The following SPTLC2 variants were observed in gnomAD, a reference collection of about 807,000 sequenced individuals.
The protein encoded by SPTLC2 is serine palmitoyltransferase long chain base subunit 2.
SPTLC2 carries 21 observed loss-of-function variants against 62.0 expected under a neutral mutation model. The ratio of observed to expected loss-of-function variants is 0.34; its 90% CI spans 0.24 to 0.49. The LOEUF is 0.49. Ranked by LOEUF, SPTLC2 falls within the 20% of genes least tolerant of loss-of-function variation. The pLI is 0.99. For missense variants in SPTLC2, 511 were observed against 713.0 expected (o/e 0.72, Z 3.23); for synonymous variants, 261 against 261.8 (o/e 1.00, Z 0.03).
In SPTLC2 at chr14:77,555,453, C is replaced by G; in HGVS notation, c.1023G>C (p.Leu341Phe). 6.2e-7 allele frequency: 1 copy of G among 1,614,174 alleles called. No homozygotes were observed. The highest frequency in any genetic ancestry group is 8.5e-7 in the Non-Finnish European group (1 of 1,180,034). Residue 341 changes from leucine (L) to phenylalanine (F), a missense_variant, in exon 8 of 12, where the codon TTG becomes TTC. Leu to Phe is a conservative substitution (Grantham distance 22, BLOSUM62 0). Transcript: ENST00000216484. ...CAATGCTGTGAGCCTCATCCAGATACAAGTATGCCTTGTATTTCTTCTTGA... is the reference window on the plus strand; with the variant it reads ...CAATGCTGTGAGCCTCATCCAGATAGAAGTATGCCTTGTATTTCTTCTTGA... ...IALKKKYKAY[L>F]YLDEAHSIGA...
At chr14:77,542,061 C>T (rs115373425) in intron 9 of SPTLC2, among the ~76,000 whole-genome samples, 3,274 of 103,266 alleles carry the variant, frequency 0.032, 108 homozygotes, top group African/African-American at 0.13. Context: ...ACTCTGTGTC[C>T]GGAAAAAAAA....
At chr14:77,590,588 T>A (rs2079810326) in intron 2 of SPTLC2, among the ~76,000 whole-genome samples, 1 of 152,128 alleles carries the variant, frequency 6.6e-6, no homozygotes, top group Non-Finnish European at 1.5e-5. Context: ...TGCACATGCC[T>A]GTAGTCCCAG....
At chr14:77,576,719 T>A (rs2079717793) in intron 4 of SPTLC2, 48 bp downstream of exon 4, 4 of 1,613,760 alleles carry the variant, frequency 2.5e-6, no homozygotes, top group Admixed American at 1.7e-5. Flanking sequence ...TGCCCCTGAC[T>A]AAAACAATGT....
intron 2 of SPTLC2, 66 bp from the exon 3 acceptor site, chr14:77,579,175 A>G (rs2079733950): frequency 6.5e-7 from 1 of 1,533,378 alleles, no homozygotes; most frequent in African/African-American, 1.4e-5. Flanking sequence ...TTTTTAACAG[A>G]TGACATGATC....
chr14:77,606,147 T>C (rs1057339931), intron 1 of SPTLC2, among the ~76,000 whole-genome samples: 7 of 152,110 alleles, frequency 4.6e-5, no homozygotes, highest in Admixed American at 3.9e-4. Context: ...CTGACCAACA[T>C]GGTGAAACCC....
chr14:77,603,582 T>C (rs76641857), intron 1 of SPTLC2, among the ~76,000 whole-genome samples: 5,261 of 152,284 alleles, frequency 0.035, 295 homozygotes, highest in African/African-American at 0.12. Context: ...TAGAAGTCCA[T>C]AGTTTTTCGT....
At chr14:77,526,484 G>A (rs185355497) in intron 9 of SPTLC2, among the ~76,000 whole-genome samples, 3 of 152,218 alleles carry the variant, frequency 2.0e-5, no homozygotes, top group African/African-American at 7.2e-5. Flanking sequence ...AAGCATAAAA[G>A]CAATTTGGAG....
chr14:77,614,868 G>C (rs2140070140), intron 1 of SPTLC2, among the ~76,000 whole-genome samples: 1 of 150,532 alleles, frequency 6.6e-6, no homozygotes, highest in African/African-American at 2.4e-5. Flanking sequence ...CTACTCGGGA[G>C]GCTGGGGCAG....
At chr14:77,555,110 A>T (rs1172970711) in intron 8 of SPTLC2, among the ~76,000 whole-genome samples, 190 bp downstream of exon 8, 1 of 152,200 alleles carries the variant, frequency 6.6e-6, no homozygotes, top group Non-Finnish European at 1.5e-5. Context: ...ATAAGAAAAC[A>T]ACAAACAATG....
chr14:77,520,094 G>C (rs2079378595), intron 10 of SPTLC2, among the ~76,000 whole-genome samples: 1 of 151,900 alleles, frequency 6.6e-6, no homozygotes, highest in Admixed American at 6.6e-5. Flanking sequence ...CCTAATTAAA[G>C]TGTACACAGT....
intron 5 of SPTLC2, among the ~76,000 whole-genome samples, chr14:77,563,814 A>C (rs1300426828): frequency 6.6e-6 from 1 of 152,248 alleles, no homozygotes. Context: ...TCAAGGGTCA[A>C]CTATATATAT....
At chr14:77,587,759 A>AAATAATAAT (rs59005485) in intron 2 of SPTLC2, among the ~76,000 whole-genome samples, 14,285 of 144,968 alleles carry the variant, frequency 0.099, 770 homozygotes, top group Non-Finnish European at 0.11. Context: ...CTCTGTCTCA[A>AAATAATAAT]AATAATAATA....
intron 11 of SPTLC2, among the ~76,000 whole-genome samples, chr14:77,515,979 G>T (rs1594966450): frequency 8.8e-6 from 1 of 113,588 alleles, no homozygotes; most frequent in Non-Finnish European, 2.0e-5. Flanking sequence ...ATTCATTTAT[G>T]AGCTCTAGCT....
At chr14:77,551,914 C>T (rs2079557584) in intron 9 of SPTLC2, among the ~76,000 whole-genome samples, 182 bp downstream of exon 9, 1 of 152,096 alleles carries the variant, frequency 6.6e-6, no homozygotes, top group Non-Finnish European at 1.5e-5. Flanking sequence ...AGAAAGTGAG[C>T]CAGGGTCGTT....
rs901839463 is a variant in SPTLC2 at position 77,524,332 on chromosome 14, T to C, written c.1304-2751A>G. ...GACGATGAAAATATTCTAACCTTGA[T>C]TGTGGCATGGGATTACAGGAGTGAG... On this transcript the variant is annotated intron_variant, in intron 9 of 11. Coordinates refer to ENST00000216484, the MANE Select transcript of SPTLC2 (RefSeq NM_004863.4). Among the ~76,000 whole-genome samples the C allele has an allele frequency of 2.0e-5, 3 of 152,016 alleles. No individual in the cohort carries two copies. In the East Asian group the frequency reaches 5.8e-4, roughly 29 times the overall value.
rs1424425588 is a variant in SPTLC2, at chr14:77,616,450, G to A, written c.130C>T (p.Gln44Ter). ...AAAAAAAAAG[Q>*]IHHVTQNGGL... is the part of the protein sequence containing the mutation. ...CCCGCCGCGCGGGCCCCTCGTACCT[G>A]GCCGGCGGCGGCTGCGGCTGCGGCT... The change falls in exon 1 of 12, where the codon CAG becomes TAG. Residue 44 changes from glutamine (Q) to a stop codon, truncating the protein, a stop_gained and splice_region_variant. Transcript: ENST00000216484. LOFTEE classifies it high-confidence loss of function. 2 of 1,483,514 alleles carry A rather than the reference G, an allele frequency of 1.3e-6. No individual in the cohort carries two copies. Among genetic ancestry groups the A allele is most frequent in the Non-Finnish European group, 1.8e-6 (2 of 1,122,270 alleles). 91.9% of individuals were successfully genotyped at this position (1,483,514 alleles called of 1,614,324 possible). A position where few individuals can be genotyped will look rare whatever the true frequency, so the allele number is the denominator to read the frequency against.
chr14:77,552,984 A>C (rs142525828), intron 8 of SPTLC2, among the ~76,000 whole-genome samples: 1,670 of 152,206 alleles, frequency 0.011, 37 homozygotes, highest in African/African-American at 0.038. Flanking sequence ...TCTAACATCA[A>C]CTTTAAGAGC....
rs1803130541 is a variant in SPTLC2 at position 77,506,228 on chromosome 14, C to G, written c.*6056G>C. The G allele has an allele frequency of 6.6e-6, 1 of 152,202 alleles. No individual in the cohort carries two copies. Among genetic ancestry groups the G allele is most frequent in the South Asian group, 2.1e-4 (1 of 4,830 alleles). 9.4% of individuals were successfully genotyped at this position (152,202 alleles called of 1,614,324 possible). A position where few individuals can be genotyped will look rare whatever the true frequency, so the allele number is the denominator to read the frequency against. The stretch of plus-strand genomic sequence containing the variant: ...GGTAAGAGAGAGTGACATTTTAACA[C>G]ATTACTAAAATGTTTAAGCTTTTAT... On this transcript the variant is annotated 3_prime_UTR_variant, in exon 12 of 12. Transcript: ENST00000216484.
rs2079327056 is a variant in SPTLC2 at position 77,510,531 on chromosome 14, G to A, written c.*1753C>T. 1 of 152,108 alleles carries A rather than the reference G, an allele frequency of 6.6e-6. No individual in the cohort carries two copies. The highest frequency in any genetic ancestry group is 2.4e-5 in the African/African-American group (1 of 41,378). The allele number at this position is 152,108 out of a possible 1,614,324, so 9.4% of individuals were successfully genotyped here. Reference sequence around the variant, plus strand: ...TCTGTCACCCAGGCTAGAGTGCAGTGGCACAATCTCGTCTCACTGCAACCT... The same window carrying A: ...TCTGTCACCCAGGCTAGAGTGCAGTAGCACAATCTCGTCTCACTGCAACCT... On this transcript the variant is annotated 3_prime_UTR_variant, in exon 12 of 12. Coordinates refer to ENST00000216484, the MANE Select transcript of SPTLC2 (RefSeq NM_004863.4).
Sources: gnomAD v4.1 joint callset for allele counts (sites outside exome capture counted in the v4.1 genomes callset) on GRCh38, gnomAD v4.1.1 for gene constraint, MANE v1.5 for transcripts, NCBI Gene and HGNC (gene_info 2026-07-23, HGNC 2026-07-21) for gene names.